Variants in CHCHD2 observed in about 807,000 individuals in gnomAD.
The protein encoded by CHCHD2 is coiled-coil-helix-coiled-coil-helix domain-containing protein 2.
Under a neutral mutation model 17.5 loss-of-function variants are expected in CHCHD2, and 17 were observed. That is an observed-to-expected ratio of 0.97 (90% CI 0.67 to 1.46). The LOEUF (loss-of-function observed/expected upper bound fraction) is 1.46, where lower values mean the gene tolerates loss of function less well. Among genes scored for constraint, CHCHD2 ranks in the 40% most tolerant of loss-of-function variants. The pLI, the probability that CHCHD2 is intolerant of heterozygous loss-of-function variation, is 0.00. For missense variants in CHCHD2, 175 were observed against 199.9 expected, an observed-to-expected ratio of 0.88 and a Z score of 0.75; for synonymous variants, 63 against 74.3, an observed-to-expected ratio of 0.85 and a Z score of 0.78.
intron 1 of CHCHD2, among the ~76,000 whole-genome samples, chr7:56,105,069 C>G (rs1286271582): frequency 6.6e-6 from 1 of 151,858 alleles, no homozygotes. Flanking sequence ...CACCACCACA[C>G]CTAGCTAATT....
intron 1 of CHCHD2, among the ~76,000 whole-genome samples, chr7:56,104,768 C>T (rs1476923562): frequency 6.6e-6 from 1 of 151,930 alleles, no homozygotes; most frequent in African/African-American, 2.4e-5. Context: ...CGACCACCTC[C>T]GGCTAATTTT....
chr7:56,101,967 T>C, intron 3 of CHCHD2, 106 bp from the exon 4 acceptor site: 1 of 1,045,468 alleles, frequency 9.6e-7, no homozygotes, highest in Non-Finnish European at 1.4e-6. Flanking sequence ...AGGCTATGGG[T>C]TTTTTGTTTT....
chr7:56,104,331 G>A lies in CHCHD2; in HGVS notation c.195C>T (p.Gly65=), dbSNP rs1011257538. The A allele has an allele frequency of 2.0e-5, 32 of 1,613,350 alleles. No individual in the cohort carries two copies. Among genetic ancestry groups the A allele is most frequent in the African/African-American group, 2.7e-5 (2 of 74,902 alleles). ...LMAQMATTAA[G]VAVGSAVGHT... is the part of the protein sequence containing the mutation. ...GCCCCACAGCAGAGCCCACAGCCAC[G>A]CCAGCTGCAGTGGTTGCCATCTGGG... The change falls in exon 2 of 4, where the codon GGC becomes GGT. Residue 65 remains glycine, a synonymous_variant. Coordinates refer to ENST00000395422, the MANE Select transcript of CHCHD2 (RefSeq NM_016139.4).
intron 1 of CHCHD2, 43 bp from the exon 2 acceptor site, chr7:56,104,518 C>T (rs1050512615): frequency 6.7e-7 from 1 of 1,488,336 alleles, no homozygotes; most frequent in African/African-American, 1.4e-5. Context: ...CAATTCCAAC[C>T]AGTTTTGGAA....
chr7:56,101,651 C>G lies in CHCHD2; in HGVS notation c.*200G>C. The G allele has an allele frequency of 1.9e-6, 1 of 514,602 alleles. No individual in the cohort carries two copies. The highest frequency in any genetic ancestry group is 3.5e-6 in the Non-Finnish European group (1 of 283,490). 31.9% of individuals were successfully genotyped at this position (514,602 alleles called of 1,614,324 possible). ...TAACAGCTAGTTTAAGGAGGCCACA[C>G]AAACATTTGCCCAGTCCCAGATTCT... On this transcript the variant is annotated 3_prime_UTR_variant, in exon 4 of 4. Coordinates refer to ENST00000395422, the MANE Select transcript of CHCHD2 (RefSeq NM_016139.4).
In CHCHD2 at chr7:56,106,423, G is replaced by A. The variant is rs747605451; in HGVS notation, c.-10C>T. Reference sequence around the variant, plus strand: ...GGCTTCCACGCGGCATCCTAGGTAAGCGACGGCTAGGCCTCCGGACGTGGG... The same window carrying A: ...GGCTTCCACGCGGCATCCTAGGTAAACGACGGCTAGGCCTCCGGACGTGGG... On this transcript the variant is annotated 5_prime_UTR_variant, in exon 1 of 4. Coordinates refer to ENST00000395422, the MANE Select transcript of CHCHD2 (RefSeq NM_016139.4). 5 of 1,613,100 alleles carry A rather than the reference G, an allele frequency of 3.1e-6. No homozygotes were observed. Among genetic ancestry groups the A allele is most frequent in the East Asian group, 2.2e-5 (1 of 44,858 alleles).
chr7:56,102,812 G>A, intron 3 of CHCHD2, 55 bp downstream of exon 3: 1 of 1,586,410 alleles, frequency 6.3e-7, no homozygotes, highest in East Asian at 2.2e-5. Flanking sequence ...AAGTTCTACA[G>A]GATCCAGGAA....
intron 1 of CHCHD2, among the ~76,000 whole-genome samples, chr7:56,105,727 G>A (rs1405647401): frequency 6.6e-6 from 1 of 152,186 alleles, no homozygotes; most frequent in Non-Finnish European, 1.5e-5. Flanking sequence ...GGAAGTCAAG[G>A]CTGCAGTTAG....
At chr7:56,102,818 A>T in intron 3 of CHCHD2, 49 bp downstream of exon 3, 1 of 1,598,540 alleles carries the variant, frequency 6.3e-7, no homozygotes, top group Non-Finnish European at 8.6e-7. Context: ...TACAGGATCC[A>T]GGAATTCCAC....
chr7:56,104,329 A>T lies in CHCHD2; in HGVS notation c.197T>A (p.Val66Glu). The T allele has an allele frequency of 6.2e-7, 1 of 1,613,582 alleles. No individual in the cohort carries two copies. Among genetic ancestry groups the T allele is most frequent in the Non-Finnish European group, 8.5e-7 (1 of 1,179,592 alleles). Residue 66 changes from valine (V) to glutamate (E), a missense_variant, in exon 2 of 4, where the codon GTG (valine) becomes GAG (glutamate). Physicochemically the swap from Val to Glu is moderately radical, Grantham distance 121. Coordinates refer to ENST00000395422, the MANE Select transcript of CHCHD2 (RefSeq NM_016139.4). ...MAQMATTAAG[V>E]AVGSAVGHTL... ...GTGCCCCACAGCAGAGCCCACAGCC[A>T]CGCCAGCTGCAGTGGTTGCCATCTG... is the stretch of plus-strand genomic sequence containing the variant.
rs1460135358 is a variant in CHCHD2 at position 56,104,312 on chromosome 7, C to G, written c.214G>C (p.Val72Leu). Residue 72 changes from valine to leucine, a missense_variant, in exon 2 of 4, where the codon GTG becomes CTG. By Grantham distance (32) the Val-to-Leu change is conservative (BLOSUM62 1). Transcript: ENST00000395422. The part of the protein sequence containing the change: ...TAAGVAVGSA[V>L]GHTLGHAITG... ...ATGGCGTGACCCAATGTGTGCCCCA[C>G]AGCAGAGCCCACAGCCACGCCAGCT... 1 of 1,613,846 alleles carries G rather than the reference C, an allele frequency of 6.2e-7. No homozygotes were observed. The highest frequency in any genetic ancestry group is 1.1e-5 in the South Asian group (1 of 91,084).
intron 3 of CHCHD2, among the ~76,000 whole-genome samples, chr7:56,102,348 CTT>C (rs57427081): frequency 4.8e-5 from 7 of 145,064 alleles, no homozygotes; most frequent in Admixed American, 1.4e-4. Flanking sequence ...TTTATACCTT[CTT>C]TTTTTTTTTT....
At chr7:56,104,944 T>C in intron 1 of CHCHD2, among the ~76,000 whole-genome samples, 1 of 139,652 alleles carries the variant, frequency 7.2e-6, no homozygotes, top group African/African-American at 2.7e-5. Flanking sequence ...AGGGCCTCAC[T>C]CTGATGCCCA....
chr7:56,102,943 C>T lies in CHCHD2; in HGVS notation c.369G>A (p.Glu123=), dbSNP rs1200670309. Residue 123 remains glutamate (E), a synonymous_variant, in exon 3 of 4, where the codon GAG becomes GAA. Coordinates refer to ENST00000395422, the MANE Select transcript of CHCHD2 (RefSeq NM_016139.4). ...PCLYEIKQFL[E]CAQNQGDIKL... ...TGATGTCACCCTGGTTCTGGGCACA[C>T]TCCAGAAACTGTTTGATCTCATAGA... The T allele has an allele frequency of 6.2e-7, 1 of 1,614,128 alleles. No individual in the cohort carries two copies. The highest frequency in any genetic ancestry group is 8.5e-7 in the Non-Finnish European group (1 of 1,179,956).
intron 3 of CHCHD2, 99 bp downstream of exon 3, chr7:56,102,768 A>C: frequency 7.7e-7 from 1 of 1,298,104 alleles, no homozygotes. Context: ...ATTTCAACAA[A>C]GTCTTCTCTA....
intron 1 of CHCHD2, 104 bp downstream of exon 1, chr7:56,106,260 G>A: frequency 2.8e-6 from 3 of 1,078,330 alleles, no homozygotes; most frequent in Admixed American, 2.8e-5. Context: ...AGCCCACGCC[G>A]CAGCCGACCT....
intron 1 of CHCHD2, 48 bp downstream of exon 1, chr7:56,106,316 A>G: frequency 6.3e-7 from 1 of 1,590,870 alleles, no homozygotes; most frequent in South Asian, 1.1e-5. Context: ...TTGCCCCAGT[A>G]GAGTCCGGAC....
At position 56,102,582 on chromosome 7, in the gene CHCHD2, G is replaced by T. The variant is rs181219492; in HGVS notation, c.445+285C>A. 1.4e-3 allele frequency: 429 copies of T among 298,664 alleles called. 3 individuals are homozygous for T. The highest frequency in any genetic ancestry group is 8.5e-3 in the African/African-American group (392 of 46,168). The allele number at this position is 298,664 out of a possible 1,614,324, so 18.5% of individuals were successfully genotyped here. On this transcript the variant is annotated intron_variant, in intron 3 of 3. Transcript: ENST00000395422. ...GGGGTTTTGCCATGTTGGCCAGGCT[G>T]GCCTCAAACTCCTGACATCAGGTGA...
rs1785313716 is a variant in CHCHD2 at position 56,102,880 on chromosome 7, G to A, written c.432C>T (p.Cys144=). 5 of 1,613,890 alleles carry A rather than the reference G, an allele frequency of 3.1e-6. No individual in the cohort carries two copies. In the East Asian group the frequency reaches 1.1e-4, roughly 36 times the overall value. The change falls in exon 3 of 4, where the codon TGC becomes TGT. Residue 144 remains cysteine, a synonymous_variant. Coordinates refer to ENST00000395422, the MANE Select transcript of CHCHD2 (RefSeq NM_016139.4). The part of the protein sequence containing the change: ...CEGFNEVLKQ[C]RLANGLA ...CAAATTACCTACCGTTTGCAAGTCG[G>A]CACTGTTTCAGCACCTCATTGAAAC...
Sources: allele counts gnomAD v4.1 joint callset (sites outside exome capture counted in the v4.1 genomes callset), GRCh38; gene constraint gnomAD v4.1.1; transcripts MANE v1.5; gene names NCBI Gene and HGNC (gene_info 2026-07-23, HGNC 2026-07-21).